The following NHS variants were observed in gnomAD, a reference collection of about 807,000 sequenced individuals.
NHS encodes NHS actin remodeling regulator.
Under a neutral mutation model 72.5 loss-of-function variants are expected in NHS, and 5 were observed. The ratio of observed to expected loss-of-function variants is 0.07; its 90% CI spans 0.04 to 0.14. The LOEUF (loss-of-function observed/expected upper bound fraction) is 0.14, where lower values mean the gene tolerates loss of function less well. NHS is among the 10% of genes least tolerant of loss of function. NHS has a pLI of 1.00. For missense variants in NHS, 1,072 were observed against 1,355.7 expected (o/e 0.79, Z 3.29); for synonymous variants, 464 against 547.7 (o/e 0.85, Z 2.13).
rs1188292594 is a variant in NHS, at chrX:17,734,385, T to A, written c.*1921T>A. 1.8e-5 allele frequency: 2 copies of A among 112,141 alleles called. No homozygotes were observed. Among genetic ancestry groups the A allele is most frequent in the African/African-American group, 6.5e-5 (2 of 30,710 alleles). The allele number at this position is 112,141 out of a possible 1,213,427, so 9.2% of individuals were successfully genotyped here. On this transcript the variant is annotated 3_prime_UTR_variant, in exon 9 of 9. Coordinates refer to ENST00000676302, the MANE Select transcript of NHS (RefSeq NM_001291867.2). Reference sequence around the variant, plus strand: ...TTTGTTTGTTTGGAAAGAAAAAAAATGTCTGGCTTCTTCTACTATTTGTTT... The same window carrying A: ...TTTGTTTGTTTGGAAAGAAAAAAAAAGTCTGGCTTCTTCTACTATTTGTTT...
intron 1 of NHS, among the ~76,000 whole-genome samples, chrX:17,518,058 A>G (rs182614242): frequency 2.2e-4 from 25 of 112,131 alleles, no homozygotes; most frequent in Admixed American, 1.1e-3. Flanking sequence ...CTCATGAAAA[A>G]TGTCTGATAC....
chrX:17,718,847 G>T (rs1426958924), intron 3 of NHS, among the ~76,000 whole-genome samples: 5 of 94,768 alleles, frequency 5.3e-5, no homozygotes, highest in Non-Finnish European at 1.1e-4. Context: ...AAGGAAGGAG[G>T]GAAGGAAGAA....
intron 1 of NHS, among the ~76,000 whole-genome samples, chrX:17,620,277 C>T (rs1238984346): frequency 8.9e-6 from 1 of 111,952 alleles, no homozygotes; most frequent in Non-Finnish European, 1.9e-5. Flanking sequence ...TTATTAGCCC[C>T]TGTGAGTTTT....
intron 1 of NHS, among the ~76,000 whole-genome samples, chrX:17,419,880 TTC>T (rs750720511): frequency 3.2e-4 from 36 of 112,193 alleles, no homozygotes; most frequent in Non-Finnish European, 5.1e-4. Flanking sequence ...GAATAAGTAA[TTC>T]TGTCTTTCCT....
intron 1 of NHS, among the ~76,000 whole-genome samples, chrX:17,503,796 A>G (rs1184026710): frequency 8.9e-6 from 1 of 111,798 alleles, no homozygotes; most frequent in East Asian, 2.8e-4. Context: ...GTCCTGATCC[A>G]TGTGTTGAAA....
intron 1 of NHS, among the ~76,000 whole-genome samples, chrX:17,400,951 A>G (rs1207380633): frequency 3.6e-5 from 4 of 112,210 alleles, no homozygotes; most frequent in Non-Finnish European, 5.6e-5. Context: ...AAAAAGAAGG[A>G]CAAAGTGGGA....
At chrX:17,665,412 C>T (rs982475020) in intron 1 of NHS, among the ~76,000 whole-genome samples, 3 of 101,659 alleles carry the variant, frequency 3.0e-5, no homozygotes, top group East Asian at 3.0e-4. Context: ...CTGCAGGCTC[C>T]GCCCCCTGGG....
rs757150450 is a variant in NHS at position 17,420,844 on chromosome X, T to TA, written c.565+44529dup. On this transcript the variant is annotated intron_variant, in intron 1 of 8. Transcript: ENST00000676302. ...ATTGGCATTCTTTAATAGTTATCAT[T>TA]AAAAAAATACTAAGTTCTCCTTTGG... Among the ~76,000 whole-genome samples the TA allele has an allele frequency of 6.0e-3, 666 of 111,796 alleles. 4 individuals are homozygous for TA. Among genetic ancestry groups the TA allele is most frequent in the South Asian group, 0.011 (28 of 2,660 alleles).
At chrX:17,421,324 C>T (rs2064622614) in intron 1 of NHS, among the ~76,000 whole-genome samples, 1 of 109,243 alleles carries the variant, frequency 9.2e-6, no homozygotes, top group African/African-American at 3.3e-5. Flanking sequence ...AATTTCATTG[C>T]TTGAAGGAGA....
chrX:17,609,208 A>G (rs770146368), intron 1 of NHS, among the ~76,000 whole-genome samples: 1 of 112,354 alleles, frequency 8.9e-6, no homozygotes, highest in Admixed American at 9.4e-5. Flanking sequence ...AGGTGTGCAA[A>G]TAAATAATTA....
chrX:17,430,335 TTC>T (rs1317216790), intron 1 of NHS, among the ~76,000 whole-genome samples: 2 of 91,443 alleles, frequency 2.2e-5, no homozygotes, highest in Non-Finnish European at 4.2e-5. Flanking sequence ...TTTCTTTTTC[TTC>T]TCTTTCTTTC....
At chrX:17,524,362 A>G (rs1039695404) in intron 1 of NHS, among the ~76,000 whole-genome samples, 2 of 111,948 alleles carry the variant, frequency 1.8e-5, no homozygotes, top group Non-Finnish European at 3.8e-5. Context: ...CAGCTATCAA[A>G]TTTAGAAAAT....
chrX:17,417,216 T>C (rs866909067), intron 1 of NHS, among the ~76,000 whole-genome samples: 35 of 111,436 alleles, frequency 3.1e-4, no homozygotes, highest in African/African-American at 1.1e-3. Context: ...AAGGACCAGA[T>C]AGTAAATACT....
chrX:17,677,842 C>G (rs1244477977), intron 1 of NHS, among the ~76,000 whole-genome samples: 3 of 111,861 alleles, frequency 2.7e-5, no homozygotes, highest in Non-Finnish European at 5.6e-5. Flanking sequence ...GGGTCTCACC[C>G]TGCCACCCAA....
chrX:17,638,777 A>T (rs1298425260), intron 1 of NHS, among the ~76,000 whole-genome samples: 1 of 112,243 alleles, frequency 8.9e-6, no homozygotes, highest in Non-Finnish European at 1.9e-5. Flanking sequence ...TGCTATGGAT[A>T]ATAATAGCAA....
intron 1 of NHS, among the ~76,000 whole-genome samples, chrX:17,685,828 GAA>G (rs778598302): frequency 7.7e-4 from 86 of 111,776 alleles, no homozygotes; most frequent in African/African-American, 2.6e-3. Context: ...ACCAAAATAG[GAA>G]AAGTCTTCCA....
chrX:17,692,582 A>G (rs946588174), intron 3 of NHS, 114 bp downstream of exon 3: 3 of 943,220 alleles, frequency 3.2e-6, no homozygotes, highest in Admixed American at 2.4e-5. Context: ...AAGAGCTCAA[A>G]TCATGGGCAT....
At chrX:17,718,848 G>A (rs1190758926) in intron 3 of NHS, among the ~76,000 whole-genome samples, 2 of 96,294 alleles carry the variant, frequency 2.1e-5, no homozygotes, top group Admixed American at 2.2e-4. Flanking sequence ...AGGAAGGAGG[G>A]AAGGAAGAAA....
chrX:17,668,975 T>G (rs2066028467), intron 1 of NHS, among the ~76,000 whole-genome samples: 1 of 111,684 alleles, frequency 9.0e-6, no homozygotes, highest in African/African-American at 3.3e-5. Context: ...AAATCACCCT[T>G]AGGCAGAGGG....
Sources: allele counts gnomAD v4.1 joint callset (sites outside exome capture counted in the v4.1 genomes callset), GRCh38; gene constraint gnomAD v4.1.1; transcripts MANE v1.5; gene names NCBI Gene and HGNC (gene_info 2026-07-23, HGNC 2026-07-21).